Variants in ACOXL observed in about 807,000 individuals in gnomAD.
ACOXL encodes the protein acyl-coenzyme A oxidase-like protein.
ACOXL carries 70 observed loss-of-function variants against 71.9 expected under a neutral mutation model. The observed-to-expected ratio is 0.97, with a 90% CI of 0.80 to 1.19. ACOXL has a LOEUF of 1.19. Ranked by LOEUF, ACOXL falls within the 50% of genes most tolerant of loss-of-function variation. The pLI is 0.00. For missense variants in ACOXL, 703 were observed against 736.3 expected (o/e 0.95, Z 0.52); for synonymous variants, 253 against 281.6 (o/e 0.90, Z 1.02).
chr2:110,774,002 G>T (rs549658645), intron 2 of ACOXL, among the ~76,000 whole-genome samples: 1 of 152,312 alleles, frequency 6.6e-6, no homozygotes, highest in African/African-American at 2.4e-5. Flanking sequence ...TGGAATCATG[G>T]TGCTATTTGT....
At chr2:110,818,558 T>C (rs991738113) in intron 9 of ACOXL, among the ~76,000 whole-genome samples, 7 of 151,466 alleles carry the variant, frequency 4.6e-5, no homozygotes, top group Non-Finnish European at 7.4e-5. Flanking sequence ...TATATATATG[T>C]ATGTGTATAT....
intron 1 of ACOXL, among the ~76,000 whole-genome samples, chr2:110,742,349 C>A (rs936099338): frequency 1.3e-5 from 2 of 152,174 alleles, no homozygotes; most frequent in African/African-American, 4.8e-5. Flanking sequence ...CTTTCCTCAA[C>A]CTTAAATGAA....
At chr2:110,922,195 C>G (rs955659621) in intron 11 of ACOXL, among the ~76,000 whole-genome samples, 1 of 152,136 alleles carries the variant, frequency 6.6e-6, no homozygotes, top group African/African-American at 2.4e-5. Flanking sequence ...ATTTTTTCCT[C>G]AAGTATTTTG....
intron 17 of ACOXL, among the ~76,000 whole-genome samples, chr2:111,106,734 G>A (rs113362054): frequency 2.8e-4 from 43 of 152,278 alleles, no homozygotes; most frequent in African/African-American, 1.0e-3. Flanking sequence ...GCCTTATAGG[G>A]ATAGTAGTCT....
intron 12 of ACOXL, among the ~76,000 whole-genome samples, chr2:110,965,030 A>G (rs1352109058): frequency 1.3e-5 from 2 of 152,110 alleles, no homozygotes; most frequent in African/African-American, 2.4e-5. Context: ...CTTTACTGCT[A>G]TGAGATCAAC....
chr2:111,111,220 C>T (rs893797901), intron 17 of ACOXL, among the ~76,000 whole-genome samples: 3 of 152,112 alleles, frequency 2.0e-5, no homozygotes, highest in African/African-American at 7.2e-5. Context: ...CCACGTCAGC[C>T]TCCCGCATAG....
chr2:110,805,467 C>T (rs1686523263), intron 9 of ACOXL, 72 bp downstream of exon 9: 2 of 1,594,320 alleles, frequency 1.3e-6, no homozygotes, highest in Admixed American at 1.7e-5. Flanking sequence ...GTAACAATTC[C>T]AGGAGCTGAG....
At chr2:110,760,985 G>A (rs1680330208) in intron 1 of ACOXL, among the ~76,000 whole-genome samples, 1 of 152,248 alleles carries the variant, frequency 6.6e-6, no homozygotes. Flanking sequence ...GTCAAGGAGA[G>A]GTGAAGCATA....
chr2:110,972,278 A>G (rs1242850123), intron 12 of ACOXL, among the ~76,000 whole-genome samples: 1 of 152,214 alleles, frequency 6.6e-6, no homozygotes, highest in Non-Finnish European at 1.5e-5. Context: ...TCCAAGGCCT[A>G]GGCTGGGGAA....
At chr2:110,910,026 T>C (rs928769450) in intron 11 of ACOXL, among the ~76,000 whole-genome samples, 1 of 152,080 alleles carries the variant, frequency 6.6e-6, no homozygotes, top group African/African-American at 2.4e-5. Flanking sequence ...TAGATTTTAG[T>C]TTTTAGTGGA....
chr2:110,995,174 T>A (rs927996983), intron 13 of ACOXL, among the ~76,000 whole-genome samples: 17 of 152,148 alleles, frequency 1.1e-4, no homozygotes, highest in Non-Finnish European at 1.9e-4. Context: ...TGTATAGTGG[T>A]TGAGTTATTA....
rs920215983 is a variant in ACOXL, at chr2:110,871,402, G to A, written c.788+29997G>A. ...AGTAGGAAATAATATGGAAGCATTA[G>A]CCACTGGTCCCAGCCCAGTGGAGAA... is the stretch of plus-strand genomic sequence containing the variant. On this transcript the variant is annotated intron_variant, in intron 10 of 17. Transcript: ENST00000439055. 3.2e-4 allele frequency among the ~76,000 whole-genome samples: 48 copies of A among 152,150 alleles called. 1 individual carries two copies. The highest frequency in any genetic ancestry group is 2.2e-3 in the Admixed American group (33 of 15,284).
At chr2:110,833,572 G>A (rs1359698005) in intron 9 of ACOXL, among the ~76,000 whole-genome samples, 1 of 152,104 alleles carries the variant, frequency 6.6e-6, no homozygotes, top group Admixed American at 6.5e-5. Flanking sequence ...GTGAGATACT[G>A]GATAAAGGGT....
At chr2:110,794,028 G>A (rs368742036) in intron 4 of ACOXL, 48 bp from the exon 5 acceptor site, 17 of 1,583,594 alleles carry the variant, frequency 1.1e-5, no homozygotes, top group Non-Finnish European at 1.2e-5. Flanking sequence ...TGCATTTGGA[G>A]CAACTGCCTG....
At chr2:110,744,674 G>C (rs1032449041) in intron 1 of ACOXL, among the ~76,000 whole-genome samples, 4 of 152,206 alleles carry the variant, frequency 2.6e-5, no homozygotes, top group African/African-American at 9.7e-5. Flanking sequence ...TTCAGGCATA[G>C]CCACCGTCTG....
chr2:111,041,441 A>T (rs951869336), intron 15 of ACOXL, among the ~76,000 whole-genome samples: 1 of 152,122 alleles, frequency 6.6e-6, no homozygotes, highest in Non-Finnish European at 1.5e-5. Context: ...GGTGGTTGTG[A>T]TGGCCTCCAG....
intron 3 of ACOXL, among the ~76,000 whole-genome samples, chr2:110,786,740 A>G (rs989585913): frequency 6.6e-6 from 1 of 152,214 alleles, no homozygotes; most frequent in Non-Finnish European, 1.5e-5. Flanking sequence ...GATCGTCTGA[A>G]TGAATGAGGG....
chr2:111,117,684 C>A lies in ACOXL; in HGVS notation c.1611C>A (p.His537Gln), dbSNP rs750965171. The change falls in exon 18 of 18, where the codon CAC (histidine) becomes CAA (glutamine). Residue 537 changes from histidine to glutamine, a missense_variant. Transcript: ENST00000439055. ...TGATCTCGACCTTTAACATTCCACA[C>A]ACCTACCTCCACGCACCAATCGCCG... ...RRVISTFNIP[H>Q]TYLHAPIAGI... 1.3e-6 allele frequency: 2 copies of A among 1,551,792 alleles called. No individual in the cohort carries two copies. The highest frequency in any genetic ancestry group is 1.7e-6 in the Non-Finnish European group (2 of 1,147,018).
chr2:111,081,696 A>C (rs2067932238), intron 16 of ACOXL, among the ~76,000 whole-genome samples: 1 of 152,224 alleles, frequency 6.6e-6, no homozygotes, highest in Non-Finnish European at 1.5e-5. Context: ...TGGAACCAAA[A>C]AAGAGCCCGT....
Sources: gnomAD v4.1 joint callset for allele counts (sites outside exome capture counted in the v4.1 genomes callset) on GRCh38, gnomAD v4.1.1 for gene constraint, MANE v1.5 for transcripts, NCBI Gene and HGNC (gene_info 2026-07-23, HGNC 2026-07-21) for gene names.